The following NAT1 variants were observed in gnomAD, a reference collection of about 807,000 sequenced individuals.
NAT1 encodes arylamine N-acetyltransferase 1.
For synonymous variants in NAT1, 144 were observed against 122.6 expected, an observed-to-expected ratio of 1.17 and a Z score of -1.16; for missense variants, 400 against 339.2, an observed-to-expected ratio of 1.18 and a Z score of -1.41.
chr8:18,217,634 T>A (rs892587238), intron 1 of NAT1, among the ~76,000 whole-genome samples: 1 of 152,210 alleles, frequency 6.6e-6, no homozygotes, highest in African/African-American at 2.4e-5. Context: ...GCTGTCTGGA[T>A]CTACAGGAAT....
chr8:18,197,039 G>C (rs562591050), intron 2 of NAT1, among the ~76,000 whole-genome samples: 3 of 152,228 alleles, frequency 2.0e-5, no homozygotes, highest in Middle Eastern at 3.4e-3. Flanking sequence ...TAAAACCACG[G>C]CGGAAGGCAA....
At chr8:18,176,049 A>T (rs1213594796) in intron 2 of NAT1, among the ~76,000 whole-genome samples, 1 of 151,970 alleles carries the variant, frequency 6.6e-6, no homozygotes, top group Non-Finnish European at 1.5e-5. Flanking sequence ...ATTTTTAATC[A>T]TGTTGTTTGT....
chr8:18,192,230 C>A (rs1029878962), intron 2 of NAT1, among the ~76,000 whole-genome samples: 3 of 152,126 alleles, frequency 2.0e-5, no homozygotes, highest in Admixed American at 6.5e-5. Flanking sequence ...CCAACAGACA[C>A]ATGAAAAAAT....
At chr8:18,182,344 A>G (rs551978975) in intron 2 of NAT1, among the ~76,000 whole-genome samples, 2 of 152,012 alleles carry the variant, frequency 1.3e-5, no homozygotes, top group Non-Finnish European at 2.9e-5. Flanking sequence ...AATGCCTTTT[A>G]TGTTTTATAC....
At chr8:18,171,646 G>GAAAAC (rs1301232926) in intron 2 of NAT1, among the ~76,000 whole-genome samples, 8 of 151,658 alleles carry the variant, frequency 5.3e-5, no homozygotes, top group African/African-American at 1.9e-4. Context: ...ACCTCCAAAA[G>GAAAAC]AAAACAAAAC....
In NAT1 at chr8:18,219,467, C is replaced by T. The variant is rs1164987197; in HGVS notation, c.-29C>T. On this transcript the variant is annotated 5_prime_UTR_variant, in exon 2 of 3. Coordinates refer to ENST00000307719, the MANE Select transcript of NAT1 (RefSeq NM_000662.8). ...TTCTGGATTAAAACTGAAGATCAACCTACTTTCAACTTACTAAGAAAGGTA... is the reference window on the plus strand; with the variant it reads ...TTCTGGATTAAAACTGAAGATCAACTTACTTTCAACTTACTAAGAAAGGTA... 3 of 1,549,902 alleles carry T rather than the reference C, an allele frequency of 1.9e-6. No individual in the cohort carries two copies. Among genetic ancestry groups the T allele is most frequent in the Non-Finnish European group, 2.6e-6 (3 of 1,146,062 alleles).
chr8:18,186,760 A>G (rs1309261647), intron 2 of NAT1, among the ~76,000 whole-genome samples: 1 of 152,144 alleles, frequency 6.6e-6, no homozygotes, highest in Non-Finnish European at 1.5e-5. Context: ...CCCTTCCCTT[A>G]ACAAAGCTGA....
intron 2 of NAT1, among the ~76,000 whole-genome samples, chr8:18,188,811 A>G (rs1368131540): frequency 6.6e-6 from 1 of 151,666 alleles, no homozygotes; most frequent in African/African-American, 2.4e-5. Flanking sequence ...CCTGGCCAAC[A>G]TGATGAAACC....
Position 18,199,451 on chromosome 8 carries a change from A to G in NAT1, n.93-10330A>G, listed in dbSNP as rs1420715635. On this transcript the variant is annotated intron_variant and non_coding_transcript_variant, in intron 2 of 4. Transcript: ENST00000517441. ...TTTTGCCATCTTTGATATCACACGA[A>G]AAAAATCTAGGGGAGACGTCTAGAG... Among the ~76,000 whole-genome samples the G allele has an allele frequency of 1.1e-4, 17 of 152,202 alleles. No individual in the cohort carries two copies. The East Asian group carries it at 3.3e-3, about 29-fold the overall frequency.
chr8:18,223,550 AATAAT>A lies in NAT1; in HGVS notation c.*631_*635del, dbSNP rs1805566922. The A allele has an allele frequency of 6.0e-6, 1 of 167,022 alleles. No homozygotes were observed. The highest frequency in any genetic ancestry group is 2.1e-4 in the South Asian group (1 of 4,834). 10.3% of individuals were successfully genotyped at this position (167,022 alleles called of 1,614,324 possible). A position where few individuals can be genotyped will look rare whatever the true frequency, so the allele number is the denominator to read the frequency against. ...TCTGACTCCTCAGGCATAAAATGGGAATAATGCTTTTACAGTTTAGTGGCGGAACT... is the reference window on the plus strand; with the variant it reads ...TCTGACTCCTCAGGCATAAAATGGGAGCTTTTACAGTTTAGTGGCGGAACT... On this transcript the variant is annotated 3_prime_UTR_variant, in exon 3 of 3. Transcript: ENST00000307719.
intron 2 of NAT1, among the ~76,000 whole-genome samples, chr8:18,193,711 A>G (rs1260973907): frequency 7.8e-6 from 1 of 128,546 alleles, no homozygotes; most frequent in African/African-American, 3.0e-5. Context: ...GTACGATCTC[A>G]GCTCACTACA....
intron 2 of NAT1, among the ~76,000 whole-genome samples, chr8:18,180,361 T>C (rs1339615108): frequency 6.6e-6 from 1 of 152,156 alleles, no homozygotes; most frequent in African/African-American, 2.4e-5. Context: ...AGTCCAAAAG[T>C]ACAGATGGAG....
At chr8:18,209,811 C>T (rs1425635391), upstream of NAT1, 1 of 152,148 alleles carries the variant, frequency 6.6e-6, no homozygotes, top group East Asian at 1.9e-4. Flanking sequence ...TGGACCTGTT[C>T]CAAGCTCTCA....
At chr8:18,214,446 T>C (rs1044734660) in intron 1 of NAT1, among the ~76,000 whole-genome samples, 3 of 152,250 alleles carry the variant, frequency 2.0e-5, no homozygotes, top group African/African-American at 7.2e-5. Flanking sequence ...GATACACTTC[T>C]ATTACTTCAC....
At chr8:18,193,014 A>AAAC (rs537232287) in intron 2 of NAT1, among the ~76,000 whole-genome samples, 3 of 151,428 alleles carry the variant, frequency 2.0e-5, no homozygotes, top group Non-Finnish European at 4.4e-5. Context: ...AAAATAAAAT[A>AAAC]AACAACAACA....
At chr8:18,189,880 C>T (rs1210386011) in intron 2 of NAT1, among the ~76,000 whole-genome samples, 2 of 152,282 alleles carry the variant, frequency 1.3e-5, no homozygotes, top group East Asian at 1.9e-4. Context: ...GCCTCCACCT[C>T]CTGGGTTCAA....
chr8:18,178,280 C>G (rs1459724919), intron 2 of NAT1, among the ~76,000 whole-genome samples: 1 of 151,456 alleles, frequency 6.6e-6, no homozygotes, highest in African/African-American at 2.5e-5. Flanking sequence ...TCAGTGGTGA[C>G]TTCTTAGACA....
intron 2 of NAT1, among the ~76,000 whole-genome samples, chr8:18,176,066 G>A (rs969547870): frequency 6.6e-6 from 1 of 151,920 alleles, no homozygotes; most frequent in African/African-American, 2.4e-5. Flanking sequence ...TTGTTTTCTT[G>A]CTCTTGAGTT....
In NAT1 at chr8:18,210,140, T is replaced by C. The variant is rs1050789992; in HGVS notation, c.-126T>C. On this transcript the variant is annotated 5_prime_UTR_variant, in exon 1 of 3. Coordinates refer to ENST00000307719, the MANE Select transcript of NAT1 (RefSeq NM_000662.8). ...TCATAGACCTTGGATGTGGGAGGAT[T>C]GCATTCAGTCTAGTTCCTGGTTGCC... 1.3e-5 allele frequency: 2 copies of C among 152,180 alleles called. No homozygotes were observed. Among genetic ancestry groups the C allele is most frequent in the South Asian group, 4.1e-4 (2 of 4,820 alleles). 9.4% of individuals were successfully genotyped at this position (152,180 alleles called of 1,614,324 possible). A position where few individuals can be genotyped will look rare whatever the true frequency, so the allele number is the denominator to read the frequency against.
Sources: gnomAD v4.1 joint callset for allele counts (sites outside exome capture counted in the v4.1 genomes callset) on GRCh38, gnomAD v4.1.1 for gene constraint, MANE v1.5 for transcripts, NCBI Gene and HGNC (gene_info 2026-07-23, HGNC 2026-07-21) for gene names.